The following HDHD2 variants were observed in gnomAD, a reference collection of about 807,000 sequenced individuals.
HDHD2 encodes the protein haloacid dehalogenase-like hydrolase domain-containing protein 2.
HDHD2 carries 26 observed loss-of-function variants against 24.8 expected under a neutral mutation model. That is an observed-to-expected ratio of 1.05 (90% confidence interval 0.77 to 1.45). HDHD2 has a LOEUF of 1.45. Among genes scored for constraint, HDHD2 ranks in the 40% most tolerant of loss-of-function variants. HDHD2 has a pLI of 0.00. For missense variants in HDHD2, 299 were observed against 313.4 expected (o/e 0.95, Z 0.35); for synonymous variants, 128 against 114.9 (o/e 1.11, Z -0.73).
intron 5 of HDHD2, among the ~76,000 whole-genome samples, chr18:47,114,270 A>T (rs1336721295): frequency 6.6e-6 from 1 of 152,236 alleles, no homozygotes; most frequent in Non-Finnish European, 1.5e-5. Context: ...TTCCACCATC[A>T]CAAGTTAAAA....
At chr18:47,134,401 G>A (rs914672396) in intron 3 of HDHD2, 95 bp downstream of exon 3, 9 of 885,888 alleles carry the variant, frequency 1.0e-5, no homozygotes, top group Non-Finnish European at 1.6e-5. Flanking sequence ...GAAAAACGGG[G>A]AAATCAGAAT....
intron 4 of HDHD2, among the ~76,000 whole-genome samples, chr18:47,125,962 C>A (rs1405364823): frequency 6.6e-6 from 1 of 152,150 alleles, no homozygotes; most frequent in African/African-American, 2.4e-5. Flanking sequence ...CAGGAGCTGC[C>A]TGCTAAATAT....
intron 4 of HDHD2, among the ~76,000 whole-genome samples, chr18:47,119,619 C>T (rs2063587007): frequency 6.6e-6 from 1 of 152,162 alleles, no homozygotes; most frequent in Non-Finnish European, 1.5e-5. Flanking sequence ...CCCTCAAAGT[C>T]ATCCATGAGG....
At chr18:47,110,539 G>A (rs2063507223) in intron 6 of HDHD2, 1 of 985,304 alleles carries the variant, frequency 1.0e-6, no homozygotes, top group African/African-American at 1.7e-5. Context: ...TAGCCATGGA[G>A]TTAAAGGCTT....
At chr18:47,121,367 C>A (rs1281517886) in intron 4 of HDHD2, among the ~76,000 whole-genome samples, 1 of 152,144 alleles carries the variant, frequency 6.6e-6, no homozygotes, top group African/African-American at 2.4e-5. Flanking sequence ...GTTACTCAAG[C>A]CAGAACCCTA....
intron 6 of HDHD2, 83 bp from the exon 7 acceptor site, chr18:47,108,868 C>A (rs996439449): frequency 2.6e-4 from 198 of 755,778 alleles, no homozygotes; most frequent in Non-Finnish European, 4.1e-4. Context: ...TGGGTCATCA[C>A]AGCACCACCC....
chr18:47,110,343 C>T, intron 6 of HDHD2: 1 of 985,432 alleles, frequency 1.0e-6, no homozygotes, highest in African/African-American at 1.7e-5. Flanking sequence ...ACCCTGAAGG[C>T]ACCTGTCCAT....
intron 4 of HDHD2, among the ~76,000 whole-genome samples, chr18:47,130,026 C>T (rs763794818): frequency 6.6e-6 from 1 of 152,024 alleles, no homozygotes; most frequent in Non-Finnish European, 1.5e-5. Flanking sequence ...GAGTGAGATG[C>T]CATCTCAAAA....
rs189309397 is a variant in HDHD2, at chr18:47,144,125, A to G, written c.-11+6253T>C. ...TGTGTAAGCCACAAGGTGCAAGGAA[A>G]AAAAGAATTGTTAGATCTGAATAAA... On this transcript the variant is annotated intron_variant, in intron 1 of 6. Coordinates refer to ENST00000300605, the MANE Select transcript of HDHD2 (RefSeq NM_032124.5). 3.3e-5 allele frequency among the ~76,000 whole-genome samples: 5 copies of G among 152,234 alleles called. 1 individual carries two copies. Among genetic ancestry groups the G allele is most frequent in the African/African-American group, 1.2e-4 (5 of 41,550 alleles).
intron 3 of HDHD2, among the ~76,000 whole-genome samples, chr18:47,131,316 G>T (rs1320353624): frequency 6.6e-6 from 1 of 152,130 alleles, no homozygotes; most frequent in African/African-American, 2.4e-5. Context: ...AAGGTTCCAT[G>T]GATTATCCAT....
rs187433821 is a variant in HDHD2, at chr18:47,130,402, A to G, written c.311-74T>C. ...TGTCACATTTTAAAAAAGTAGTCTT[A>G]GTCAATCAAGTGCAAACTTTTGCTG... On this transcript the variant is annotated intron_variant, in intron 3 of 6. Coordinates refer to ENST00000300605, the MANE Select transcript of HDHD2 (RefSeq NM_032124.5). 6.3e-4 allele frequency: 589 copies of G among 938,410 alleles called. 3 individuals are homozygous for G. The East Asian group carries it at 0.012, about 19-fold the overall frequency. The allele number at this position is 938,410 out of a possible 1,614,324, so 58.1% of individuals were successfully genotyped here.
chr18:47,146,993 A>G (rs1193719069), intron 1 of HDHD2, among the ~76,000 whole-genome samples: 1 of 152,174 alleles, frequency 6.6e-6, no homozygotes, highest in Non-Finnish European at 1.5e-5. Context: ...TTTTAAACAT[A>G]TATGTTTTGT....
At chr18:47,121,106 TAA>T (rs112259613) in intron 4 of HDHD2, among the ~76,000 whole-genome samples, 2 of 141,090 alleles carry the variant, frequency 1.4e-5, no homozygotes. Context: ...ATCAGTTTGT[TAA>T]AAAAAAAAAA....
chr18:47,131,105 T>C (rs918117318), intron 3 of HDHD2, among the ~76,000 whole-genome samples: 1 of 152,220 alleles, frequency 6.6e-6, no homozygotes, highest in Middle Eastern at 3.4e-3. Context: ...GCCTCCAGAA[T>C]AGCTGGGATT....
At chr18:47,121,632 A>C (rs747617413) in intron 4 of HDHD2, among the ~76,000 whole-genome samples, 33 of 152,166 alleles carry the variant, frequency 2.2e-4, no homozygotes, top group Admixed American at 7.9e-4. Flanking sequence ...CCTGCTCAAA[A>C]TTCTTTAATA....
intron 1 of HDHD2, chr18:47,137,053 T>G: frequency 1.4e-6 from 1 of 722,628 alleles, no homozygotes; most frequent in South Asian, 1.4e-5. Context: ...AAGTCAAAAC[T>G]GAGAACAACG....
intron 1 of HDHD2, among the ~76,000 whole-genome samples, chr18:47,137,739 C>G (rs936996002): frequency 6.6e-6 from 1 of 151,844 alleles, no homozygotes; most frequent in African/African-American, 2.4e-5. Flanking sequence ...AAACCAAAGA[C>G]AATTTTATAA....
chr18:47,139,734 T>C (rs1483452636), intron 1 of HDHD2, among the ~76,000 whole-genome samples: 1 of 152,154 alleles, frequency 6.6e-6, no homozygotes, highest in African/African-American at 2.4e-5. Flanking sequence ...TGGAACTGAA[T>C]TGGAGGACAA....
At chr18:47,147,240 G>A (rs1599975209) in intron 1 of HDHD2, among the ~76,000 whole-genome samples, 1 of 152,032 alleles carries the variant, frequency 6.6e-6, no homozygotes. Flanking sequence ...AGACTGCAGA[G>A]GTTAAAAAAT....
Sources: allele counts gnomAD v4.1 joint callset (sites outside exome capture counted in the v4.1 genomes callset), GRCh38; gene constraint gnomAD v4.1.1; transcripts MANE v1.5; gene names NCBI Gene and HGNC (gene_info 2026-07-23, HGNC 2026-07-21).